Variants in SNX29 observed in about 807,000 individuals in gnomAD.
The protein encoded by SNX29 is sorting nexin-29.
Under a neutral mutation model 102.1 loss-of-function variants are expected in SNX29, and 78 were observed. The observed-to-expected ratio is 0.76, with a 90% CI of 0.64 to 0.92. SNX29 has a LOEUF of 0.92. SNX29 is among the 40% of genes least tolerant of loss of function. The probability of loss-of-function intolerance (pLI) is 0.00; values close to 1 mark genes in which losing one functional copy is unlikely to be tolerated. For synonymous variants in SNX29, 580 were observed against 414.5 expected (o/e 1.40, Z -4.85); for missense variants, 1,280 against 1,061.7 (o/e 1.21, Z -2.86).
chr16:12,355,696 A>C (rs1363380492), intron 15 of SNX29, among the ~76,000 whole-genome samples: 1 of 152,110 alleles, frequency 6.6e-6, no homozygotes. Flanking sequence ...AATATCGAAT[A>C]ATTCAATTTG....
rs138608185 is a variant in SNX29 at position 12,076,708 on chromosome 16, C to T, written c.1320-2125C>T. ...TCTTATGCCACTGCCATCCTTGCTG[C>T]TATTACCGTTTTCTTCTTCTGTCTC... On this transcript the variant is annotated intron_variant, in intron 10 of 20. Transcript: ENST00000566228. Among the ~76,000 whole-genome samples the T allele has an allele frequency of 2.8e-3, 427 of 152,316 alleles. 3 individuals carry two copies. The highest frequency in any genetic ancestry group is 5.2e-3 in the South Asian group (25 of 4,826).
chr16:12,308,100 G>A (rs952867961), intron 15 of SNX29, among the ~76,000 whole-genome samples: 7 of 152,248 alleles, frequency 4.6e-5, no homozygotes, highest in Admixed American at 4.6e-4. Flanking sequence ...GTAGCCTACA[G>A]CCTGCGAGGG....
At chr16:12,187,285 C>T (rs931392756) in intron 13 of SNX29, among the ~76,000 whole-genome samples, 9 of 152,206 alleles carry the variant, frequency 5.9e-5, no homozygotes, top group Admixed American at 6.5e-5. Context: ...TAGAGCTGGG[C>T]GCGGTGGCCC....
intron 5 of SNX29, among the ~76,000 whole-genome samples, chr16:12,044,386 T>G (rs1276322432): frequency 6.6e-6 from 1 of 152,118 alleles, no homozygotes; most frequent in Non-Finnish European, 1.5e-5. Flanking sequence ...ACTCTTAAAG[T>G]TCTCTGTTGC....
rs1032647943 is a variant in SNX29 at position 12,570,017 on chromosome 16, C to G, written c.*1388C>G. On this transcript the variant is annotated 3_prime_UTR_variant, in exon 21 of 21. Coordinates refer to ENST00000566228, the MANE Select transcript of SNX29 (RefSeq NM_032167.5). ...CTCAGTGGCTTAAAATGAGAACTGC[C>G]CAGGTGAGCATGGAGCATCTCCTAG... The G allele has an allele frequency of 6.3e-6, 2 of 316,756 alleles. No homozygotes were observed. Among genetic ancestry groups the G allele is most frequent in the Admixed American group, 1.1e-4 (2 of 17,842 alleles). 19.6% of individuals were successfully genotyped at this position (316,756 alleles called of 1,614,324 possible).
intron 4 of SNX29, among the ~76,000 whole-genome samples, chr16:12,028,036 C>T (rs1362533076): frequency 6.6e-6 from 1 of 152,204 alleles, no homozygotes; most frequent in Non-Finnish European, 1.5e-5. Context: ...TCATAGTGAT[C>T]TGCTTTGGAG....
chr16:12,532,868 C>A (rs16959835), intron 20 of SNX29, among the ~76,000 whole-genome samples: 1 of 152,122 alleles, frequency 6.6e-6, no homozygotes, highest in African/African-American at 2.4e-5. Context: ...CCTTCCCCTG[C>A]GTGAGAGAGC....
At chr16:12,429,092 C>T (rs904148930) in intron 18 of SNX29, among the ~76,000 whole-genome samples, 1 of 152,096 alleles carries the variant, frequency 6.6e-6, no homozygotes, top group Non-Finnish European at 1.5e-5. Context: ...TTAATTACAA[C>T]ACACAGATAC....
chr16:12,509,756 A>G (rs981593408), intron 19 of SNX29, among the ~76,000 whole-genome samples: 1 of 152,134 alleles, frequency 6.6e-6, no homozygotes, highest in Non-Finnish European at 1.5e-5. Context: ...TTGCCTCTCA[A>G]AATCCATGAA....
chr16:12,289,874 G>T, intron 15 of SNX29, among the ~76,000 whole-genome samples: 1 of 152,060 alleles, frequency 6.6e-6, no homozygotes, highest in South Asian at 2.1e-4. Context: ...ATGTAGTCCT[G>T]TCAAGGTTGG....
intron 14 of SNX29, among the ~76,000 whole-genome samples, chr16:12,274,332 C>T (rs967917010): frequency 2.6e-5 from 4 of 152,152 alleles, no homozygotes; most frequent in Admixed American, 6.5e-5. Flanking sequence ...AAGTTGGTAG[C>T]CTGTCTTCTC....
chr16:12,189,411 T>A (rs1392905686), intron 13 of SNX29, among the ~76,000 whole-genome samples: 2 of 152,224 alleles, frequency 1.3e-5, no homozygotes, highest in East Asian at 3.9e-4. Flanking sequence ...GATAGGCCAG[T>A]TTATTGTGCA....
chr16:11,999,830 G>C (rs1253314601), intron 2 of SNX29, among the ~76,000 whole-genome samples: 1 of 151,980 alleles, frequency 6.6e-6, no homozygotes, highest in Non-Finnish European at 1.5e-5. Flanking sequence ...GAACCTGGTA[G>C]GTGGTAGTTG....
At chr16:12,062,033 C>T (rs969831911) in intron 9 of SNX29, among the ~76,000 whole-genome samples, 9 of 152,098 alleles carry the variant, frequency 5.9e-5, no homozygotes, top group African/African-American at 1.9e-4. Flanking sequence ...CTGTAAAGGC[C>T]CTGCCACCCT....
chr16:12,411,958 C>A (rs187399588), intron 18 of SNX29, among the ~76,000 whole-genome samples: 8 of 152,152 alleles, frequency 5.3e-5, no homozygotes, highest in Admixed American at 2.6e-4. Flanking sequence ...CTGGGCATGT[C>A]CCCGTGTTCA....
chr16:12,180,514 T>G lies in SNX29; in HGVS notation c.1596-19087T>G, dbSNP rs1375601299. On this transcript the variant is annotated intron_variant, in intron 13 of 20. Transcript: ENST00000566228. The stretch of plus-strand genomic sequence containing the variant: ...TCTTTTTTTTTTTGAGATGGAGTCT[T>G]GCTCTGTCGCCCAGGCTGGAGTGCA... Among the ~76,000 whole-genome samples, 1,461 of 152,086 alleles carry G rather than the reference T, an allele frequency of 9.6e-3. 70 individuals carry two copies. The highest frequency in any genetic ancestry group is 0.085 in the Admixed American group (1,289 of 15,228).
intron 17 of SNX29, among the ~76,000 whole-genome samples, chr16:12,400,183 C>G (rs12325006): frequency 0.021 from 3,271 of 152,258 alleles, 65 homozygotes; most frequent in African/African-American, 0.052. Context: ...AGCATGGAGA[C>G]TGAAATCCTT....
Position 12,328,713 on chromosome 16 carries a change from T to G in SNX29, c.1783-27450T>G, listed in dbSNP as rs2081198646. Among the ~76,000 whole-genome samples, 3 of 152,348 alleles carry G rather than the reference T, an allele frequency of 2.0e-5. No individual in the cohort carries two copies. The South Asian group carries it at 6.2e-4, about 32-fold the overall frequency. ...ATTTGAACACATTTCTATCACAGTC[T>G]GCTAAGTCTTATTTTCATCTGTGTA... is the stretch of plus-strand genomic sequence containing the variant. On this transcript the variant is annotated intron_variant, in intron 15 of 20. Coordinates refer to ENST00000566228, the MANE Select transcript of SNX29 (RefSeq NM_032167.5).
At chr16:12,105,431 A>C (rs1440695907) in intron 11 of SNX29, among the ~76,000 whole-genome samples, 1 of 151,772 alleles carries the variant, frequency 6.6e-6, no homozygotes, top group African/African-American at 2.4e-5. Flanking sequence ...GGTTTTTACC[A>C]TGTTGGCCAG....
Sources: allele counts gnomAD v4.1 joint callset (sites outside exome capture counted in the v4.1 genomes callset), GRCh38; gene constraint gnomAD v4.1.1; transcripts MANE v1.5; gene names NCBI Gene and HGNC (gene_info 2026-07-23, HGNC 2026-07-21).